The following RTN1 variants were observed in gnomAD, a reference collection of about 807,000 sequenced individuals.
RTN1 encodes the protein reticulon 1, also known as reticulon-1.
Under a neutral mutation model 65.5 loss-of-function variants are expected in RTN1, and 25 were observed. The observed-to-expected ratio is 0.38, with a 90% CI of 0.28 to 0.53. The LOEUF is 0.53. Ranked by LOEUF, RTN1 falls within the 20% of genes least tolerant of loss-of-function variation. The pLI, the probability that RTN1 is intolerant of heterozygous loss-of-function variation, is 0.79. For synonymous variants in RTN1, 471 were observed against 447.6 expected, an observed-to-expected ratio of 1.05 and a Z score of -0.66; for missense variants, 983 against 1,025.4, an observed-to-expected ratio of 0.96 and a Z score of 0.57.
At chr14:59,698,500 A>C (rs938080429) in intron 3 of RTN1, among the ~76,000 whole-genome samples, 3 of 152,070 alleles carry the variant, frequency 2.0e-5, no homozygotes, top group African/African-American at 7.2e-5. Flanking sequence ...GGTGGGAGGT[A>C]ATTGAATTGT....
chr14:59,767,506 A>G (rs1885871569), intron 1 of RTN1, among the ~76,000 whole-genome samples: 1 of 152,162 alleles, frequency 6.6e-6, no homozygotes, highest in Admixed American at 6.5e-5. Flanking sequence ...GAGCCATTCT[A>G]TTTTTGCACT....
At chr14:59,788,792 T>A (rs929987102) in intron 1 of RTN1, among the ~76,000 whole-genome samples, 4 of 152,206 alleles carry the variant, frequency 2.6e-5, no homozygotes, top group Non-Finnish European at 2.9e-5. Flanking sequence ...CATTCTATTC[T>A]CCCTGTAATC....
intron 1 of RTN1, among the ~76,000 whole-genome samples, chr14:59,749,100 A>C (rs1176340599): frequency 3.9e-5 from 3 of 77,400 alleles, no homozygotes; most frequent in Non-Finnish European, 6.5e-5. Flanking sequence ...CTATATATAT[A>C]TCTATATATA....
rs1234693215 is a variant in RTN1 at position 59,766,448 on chromosome 14, GT to G, written c.242-19968del. On this transcript the variant is annotated intron_variant, in intron 1 of 8. Coordinates refer to ENST00000267484, the MANE Select transcript of RTN1 (RefSeq NM_021136.3). This position sits in a 1 kb window ranked among gnomAD's most constrained non-coding sequence, Gnocchi z 4.4. ...CCCAAACTCATATATATTGTTCAAC[GT>G]ATTATTTTCTACTTACCTGTAAGTT... Among the ~76,000 whole-genome samples the G allele has an allele frequency of 2.0e-5, 3 of 151,942 alleles. No homozygotes were observed. The highest frequency in any genetic ancestry group is 7.3e-5 in the African/African-American group (3 of 41,356).
chr14:59,744,958 A>T (rs557740976), intron 2 of RTN1, among the ~76,000 whole-genome samples: 83 of 152,278 alleles, frequency 5.5e-4, no homozygotes, highest in African/African-American at 1.8e-3. Context: ...GGAGCCTTTG[A>T]GAGGCTATGG....
intron 1 of RTN1, among the ~76,000 whole-genome samples, chr14:59,760,765 C>A (rs992840807): frequency 9.2e-5 from 14 of 152,208 alleles, no homozygotes; most frequent in African/African-American, 2.7e-4. Context: ...TTCTCTGGCG[C>A]TAAGCACATC....
At chr14:59,785,045 C>T (rs576966500) in intron 1 of RTN1, among the ~76,000 whole-genome samples, 30 of 152,098 alleles carry the variant, frequency 2.0e-4, no homozygotes, top group Non-Finnish European at 3.8e-4. Context: ...TTTATAGATC[C>T]TACAACACTG....
In RTN1 at chr14:59,727,728, C is replaced by CA; in HGVS notation, c.1016-61dup. 6.6e-7 allele frequency: 1 copy of CA among 1,507,632 alleles called. No homozygotes were observed. The highest frequency in any genetic ancestry group is 1.4e-5 in the African/African-American group (1 of 71,690). The allele number at this position is 1,507,632 out of a possible 1,614,324, so 93.4% of individuals were successfully genotyped here. A position where few individuals can be genotyped will look rare whatever the true frequency, so the allele number is the denominator to read the frequency against. On this transcript the variant is annotated intron_variant, in intron 2 of 8. Coordinates refer to ENST00000267484, the MANE Select transcript of RTN1 (RefSeq NM_021136.3). This position sits in a 1 kb window ranked among gnomAD's most constrained non-coding sequence, Gnocchi z 4.2. ...GCACACACACGGACAGACAGATGGA[C>CA]AGAGAGAGGAGGGATAAAACAAAAT...
chr14:59,823,335 C>T (rs922083684), intron 1 of RTN1, among the ~76,000 whole-genome samples: 3 of 151,822 alleles, frequency 2.0e-5, no homozygotes, highest in Admixed American at 1.3e-4. Flanking sequence ...GAACAGAAAC[C>T]CCTGCTCTTT....
intron 1 of RTN1, among the ~76,000 whole-genome samples, chr14:59,827,544 T>G (rs926420029): frequency 1.3e-5 from 2 of 152,200 alleles, no homozygotes; most frequent in Non-Finnish European, 2.9e-5. Context: ...TAGCAACTAG[T>G]CATGGAAACA....
chr14:59,628,766 C>A (rs1055732948), intron 3 of RTN1, among the ~76,000 whole-genome samples: 1 of 151,898 alleles, frequency 6.6e-6, no homozygotes, highest in African/African-American at 2.4e-5. Flanking sequence ...TTTTTAAAAC[C>A]TCGGAGACAT....
In RTN1 at chr14:59,748,609, A is replaced by G. The variant is rs551935373; in HGVS notation, c.242-2128T>C. On this transcript the variant is annotated intron_variant, in intron 1 of 8. Coordinates refer to ENST00000267484, the MANE Select transcript of RTN1 (RefSeq NM_021136.3). ...TGCTTATCTCCTTCTTAAATACTGT[A>G]TAGTTAACATATGTTTTATGCATCG... 3.3e-5 allele frequency among the ~76,000 whole-genome samples: 5 copies of G among 152,020 alleles called. No homozygotes were observed. The South Asian group carries it at 1.0e-3, about 32-fold the overall frequency.
intron 3 of RTN1, among the ~76,000 whole-genome samples, chr14:59,651,007 C>A (rs1037321640): frequency 6.6e-6 from 1 of 151,784 alleles, no homozygotes; most frequent in Non-Finnish European, 1.5e-5. Context: ...CCTGTCTCTA[C>A]TAAAAAACTA....
intron 3 of RTN1, among the ~76,000 whole-genome samples, chr14:59,662,116 AT>A (rs1018866421): frequency 1.3e-4 from 19 of 151,678 alleles, no homozygotes; most frequent in Non-Finnish European, 2.7e-4. Flanking sequence ...TTTTTATTTT[AT>A]TTTTTTATTT....
intron 3 of RTN1, among the ~76,000 whole-genome samples, chr14:59,689,119 A>C (rs980430411): frequency 4.6e-5 from 7 of 152,274 alleles, no homozygotes; most frequent in East Asian, 1.9e-4. Context: ...CTTAAAAAAA[A>C]CCAGAACTTC....
intron 1 of RTN1, among the ~76,000 whole-genome samples, chr14:59,797,472 C>T (rs904128901): frequency 6.6e-6 from 1 of 152,110 alleles, no homozygotes. Flanking sequence ...ATATAGAAAG[C>T]TTTCTCTTTA....
chr14:59,602,988 C>T, intron 8 of RTN1, 77 bp downstream of exon 8: 1 of 1,088,186 alleles, frequency 9.2e-7, no homozygotes, highest in Non-Finnish European at 1.4e-6. Flanking sequence ...ACTATCTTCT[C>T]ATTACCCCTA....
intron 1 of RTN1, among the ~76,000 whole-genome samples, chr14:59,810,143 T>C (rs1713000661): frequency 6.6e-6 from 1 of 152,156 alleles, no homozygotes; most frequent in Non-Finnish European, 1.5e-5. Context: ...TTGAGAATGT[T>C]TGTATAGCAA....
chr14:59,745,567 ATTAG>A, intron 2 of RTN1, 137 bp downstream of exon 2: 3 of 651,104 alleles, frequency 4.6e-6, no homozygotes, highest in Non-Finnish European at 7.3e-6. Flanking sequence ...TATTAATTAA[ATTAG>A]TTAAACTAAA....
Sources: allele counts gnomAD v4.1 joint callset (sites outside exome capture counted in the v4.1 genomes callset), GRCh38; gene constraint gnomAD v4.1.1; non-coding constraint Gnocchi (gnomAD v3.1); transcripts MANE v1.5; gene names NCBI Gene and HGNC (gene_info 2026-07-23, HGNC 2026-07-21).